The following LRRTM1 variants were observed in gnomAD, a reference collection of about 807,000 sequenced individuals.
The protein encoded by LRRTM1 is leucine rich repeat transmembrane neuronal 1.
In LRRTM1, 8 loss-of-function variants were observed where a neutral mutation model predicts 37.3. That is an observed-to-expected ratio of 0.21 (90% CI 0.13 to 0.39). LRRTM1 has a LOEUF of 0.39. Among genes scored for constraint, LRRTM1 ranks in the 10% least tolerant of loss-of-function variants. The pLI is 1.00. For synonymous variants in LRRTM1, 326 were observed against 316.8 expected (o/e 1.03, Z -0.31); for missense variants, 557 against 691.0 (o/e 0.81, Z 2.17).
In LRRTM1 at chr2:80,292,326, C is replaced by T. The variant is rs924572027; in HGVS notation, c.*307-3131G>A. The stretch of plus-strand genomic sequence containing the variant: ...AACTGAGGATCAGAAAGGTTAATTG[C>T]CTTGCCAAAGTCACTCAGCCAGAAT... On this transcript the variant is annotated intron_variant and NMD_transcript_variant, in intron 2 of 2. Transcript: ENST00000417012. Among the ~76,000 whole-genome samples, 84 of 152,006 alleles carry T rather than the reference C, an allele frequency of 5.5e-4. 1 individual carries two copies. The highest frequency in any genetic ancestry group is 1.8e-3 in the African/African-American group (73 of 41,388).
At chr2:80,293,017 G>A (rs1351080322) in intron 2 of LRRTM1, among the ~76,000 whole-genome samples, 2 of 152,104 alleles carry the variant, frequency 1.3e-5, no homozygotes, top group East Asian at 3.8e-4. Flanking sequence ...ATTCTGAAAA[G>A]TCCCATTATT....
downstream of LRRTM1, chr2:80,298,948 A>G (rs1676000030): frequency 6.6e-6 from 1 of 152,182 alleles, no homozygotes; most frequent in Non-Finnish European, 1.5e-5. Context: ...GGTCCAACCT[A>G]AAAAACTACT....
downstream of LRRTM1, among the ~76,000 whole-genome samples, chr2:80,297,973 G>GT (rs1558979358): frequency 1.1e-3 from 171 of 150,936 alleles, 1 homozygote; most frequent in East Asian, 7.6e-3. Context: ...GCGCGTGTAT[G>GT]GGTGTGTGTG....
Position 80,302,455 on chromosome 2 carries a change from G to A in LRRTM1, c.1365C>T (p.Ala455=), listed in dbSNP as rs1249346834. 6.2e-7 allele frequency: 1 copy of A among 1,614,180 alleles called. No homozygotes were observed. Among genetic ancestry groups the A allele is most frequent in the South Asian group, 1.1e-5 (1 of 91,084 alleles). ...AGCACTGTCTGAGCTGCCTGAGGCT[G>A]GCTGGGAAACACTTCCAGGACACGT... ...VLYVSWKCFP[A]SLRQLRQCFV... is the part of the protein sequence containing the mutation. Residue 455 remains alanine (A), a synonymous_variant, in exon 2 of 2, where the codon GCC becomes GCT. Coordinates refer to ENST00000295057, the MANE Select transcript of LRRTM1 (RefSeq NM_178839.5). This position sits in a 1 kb window ranked among gnomAD's most constrained non-coding sequence, Gnocchi z 6.4.
At position 80,303,481 on chromosome 2, in the gene LRRTM1, G is replaced by T; in HGVS notation, c.339C>A (p.Arg113=). The change falls in exon 2 of 2, where the codon CGC becomes CGA. Residue 113 remains arginine (R), a synonymous_variant. Transcript: ENST00000295057. The surrounding 1 kb of genome is among the most constrained non-coding windows in gnomAD (Gnocchi z 7.7). ...SVQGDAFQKL[R]RVKELTLSSN... ...AACTCAGCGTGAGTTCCTTAACTCG[G>T]CGCAGTTTCTGAAAGGCGTCCCCCT... 1 of 1,614,212 alleles carries T rather than the reference G, an allele frequency of 6.2e-7. No individual in the cohort carries two copies. Among genetic ancestry groups the T allele is most frequent in the South Asian group, 1.1e-5 (1 of 91,088 alleles).
At chr2:80,297,119 A>G (rs2149193631), downstream of LRRTM1, among the ~76,000 whole-genome samples, 1 of 152,336 alleles carries the variant, frequency 6.6e-6, no homozygotes, top group South Asian at 2.1e-4. Flanking sequence ...ACCAGTGACC[A>G]GAGCAAACAA....
downstream of LRRTM1, among the ~76,000 whole-genome samples, chr2:80,300,616 TTC>T (rs947612134): frequency 6.6e-6 from 1 of 151,890 alleles, no homozygotes; most frequent in South Asian, 2.1e-4. Flanking sequence ...CTATTTGGAC[TTC>T]TCTCTCTCAA....
At chr2:80,293,122 C>G (rs529271221) in intron 2 of LRRTM1, among the ~76,000 whole-genome samples, 1 of 152,298 alleles carries the variant, frequency 6.6e-6, no homozygotes, top group East Asian at 1.9e-4. Context: ...GGAGCAGAGA[C>G]AGTGAGGCAA....
chr2:80,296,070 A>C (rs1175079107), intron 2 of LRRTM1, among the ~76,000 whole-genome samples: 1 of 152,024 alleles, frequency 6.6e-6, no homozygotes, highest in Non-Finnish European at 1.5e-5. Context: ...TTTTACGATT[A>C]TTGCGGGTAC....
Position 80,303,321 on chromosome 2 carries a change from G to A in LRRTM1, c.499C>T (p.His167Tyr). 1.2e-6 allele frequency: 2 copies of A among 1,613,824 alleles called. No individual in the cohort carries two copies. The highest frequency in any genetic ancestry group is 1.7e-6 in the Non-Finnish European group (2 of 1,180,038). ...AACTGGATGGCGTTGGCCCGCATAT[G>A]CAGCGTGGTGAGCTTCCGCAGCCCG... ...FHGLRKLTTL[H>Y]MRANAIQFVP... is the part of the protein sequence containing the mutation. Residue 167 changes from histidine to tyrosine, a missense_variant, in exon 2 of 2, where the codon CAT becomes TAT. By Grantham distance (83) the His-to-Tyr change is moderately conservative. This residue lies in a region of LRRTM1 where 200 missense variants were observed against 249.9 expected (regional missense o/e 0.80). Transcript: ENST00000295057. The surrounding 1 kb of genome is among the most constrained non-coding windows in gnomAD (Gnocchi z 7.7).
chr2:80,300,947 CAG>C (rs1194984906), downstream of LRRTM1, among the ~76,000 whole-genome samples: 1 of 146,656 alleles, frequency 6.8e-6, no homozygotes, highest in Non-Finnish European at 1.5e-5. Context: ...ACTCTCAACA[CAG>C]AAAAAAAAAA....
intron 2 of LRRTM1, among the ~76,000 whole-genome samples, chr2:80,293,400 T>C (rs1394973350): frequency 6.6e-6 from 1 of 152,186 alleles, no homozygotes; most frequent in Non-Finnish European, 1.5e-5. Flanking sequence ...ATGCTGATGG[T>C]GAACACCTAA....
intron 2 of LRRTM1, among the ~76,000 whole-genome samples, chr2:80,295,504 A>G (rs1434597554): frequency 6.6e-6 from 1 of 152,188 alleles, no homozygotes; most frequent in Non-Finnish European, 1.5e-5. Context: ...ATGAATCAGA[A>G]TGTCTGGAGG....
rs1365220360 is a variant in LRRTM1 at position 80,303,435 on chromosome 2, G to A, written c.385C>T (p.Pro129Ser). The change falls in exon 2 of 2, where the codon CCC becomes TCC. Residue 129 changes from proline (P) to serine (S), a missense_variant. Pro to Ser is a moderately conservative substitution (Grantham distance 74, BLOSUM62 -1). This residue lies in a region of LRRTM1 where 38 missense variants were observed against 72.9 expected (regional missense o/e 0.52). Transcript: ENST00000295057. This position sits in a 1 kb window ranked among gnomAD's most constrained non-coding sequence, Gnocchi z 7.7. ...TLSSNQITQLPNTTFRPMPNL... is the reference protein window; with the variant it reads ...TLSSNQITQLSNTTFRPMPNL... ...GGCATGGGCCGGAAGGTGGTGTTGG[G>A]CAGTTGGGTGATCTGGTTGGAACTC... 1.2e-6 allele frequency: 2 copies of A among 1,614,104 alleles called. No homozygotes were observed. The highest frequency in any genetic ancestry group is 1.3e-5 in the African/African-American group (1 of 74,942).
At chr2:80,289,553 A>G (rs962371816) in intron 2 of LRRTM1, among the ~76,000 whole-genome samples, 2 of 152,196 alleles carry the variant, frequency 1.3e-5, no homozygotes, top group African/African-American at 4.8e-5. Context: ...TAAACATAAC[A>G]TGTCACTCTA....
intron 2 of LRRTM1, among the ~76,000 whole-genome samples, chr2:80,292,241 T>G (rs1217500023): frequency 6.6e-6 from 1 of 152,202 alleles, no homozygotes; most frequent in African/African-American, 2.4e-5. Context: ...AACTCTTTCA[T>G]TCTCAGTAAC....
intron 2 of LRRTM1, among the ~76,000 whole-genome samples, chr2:80,295,769 C>G (rs974911685): frequency 2.0e-5 from 3 of 152,206 alleles, no homozygotes; most frequent in Admixed American, 6.5e-5. Flanking sequence ...CTTCTAGACC[C>G]TATTTCTTCC....
rs574260669 is a variant in LRRTM1, at chr2:80,294,430, C to T, written c.*307-5235G>A. Reference sequence around the variant, plus strand: ...TGACTCCCTTCTCCCTGCCATGTAGCCCACGTAACCTGACCCCATGGAGCC... The same window carrying T: ...TGACTCCCTTCTCCCTGCCATGTAGTCCACGTAACCTGACCCCATGGAGCC... On this transcript the variant is annotated intron_variant and NMD_transcript_variant, in intron 2 of 2. Coordinates refer to the LRRTM1 transcript ENST00000417012. Among the ~76,000 whole-genome samples, 73 of 152,028 alleles carry T rather than the reference C, an allele frequency of 4.8e-4. 1 individual carries two copies. Among genetic ancestry groups the T allele is most frequent in the African/African-American group, 9.9e-4 (41 of 41,468 alleles).
chr2:80,302,390 A>G lies in LRRTM1; in HGVS notation c.1430T>C (p.Met477Thr), dbSNP rs1676411408. ...QRRKQKQKQT[M>T]HQMAAMSAQE... ...GGCAGACATGGCAGCCATCTGATGCATGGTCTGTTTCTGCTTTTGCTTCCT... is the reference window on the plus strand; with the variant it reads ...GGCAGACATGGCAGCCATCTGATGCGTGGTCTGTTTCTGCTTTTGCTTCCT... The change falls in exon 2 of 2, where the codon ATG becomes ACG. Residue 477 changes from methionine (M) to threonine (T), a missense_variant. Transcript: ENST00000295057. This position sits in a 1 kb window ranked among gnomAD's most constrained non-coding sequence, Gnocchi z 6.4. 1.2e-6 allele frequency: 2 copies of G among 1,614,094 alleles called. No homozygotes were observed. The highest frequency in any genetic ancestry group is 1.7e-6 in the Non-Finnish European group (2 of 1,180,050).
Sources: allele counts gnomAD v4.1 joint callset (sites outside exome capture counted in the v4.1 genomes callset), GRCh38; gene constraint gnomAD v4.1.1; regional missense constraint gnomAD v4.1.1; non-coding constraint Gnocchi (gnomAD v3.1); transcripts MANE v1.5; gene names NCBI Gene and HGNC (gene_info 2026-07-23, HGNC 2026-07-21).